TDRP: variants seen among roughly 807,000 people sequenced by gnomAD.
TDRP encodes the protein testis development related protein.
Under a neutral mutation model 10.5 loss-of-function variants are expected in TDRP, and 12 were observed. That is an observed-to-expected ratio of 1.15 (90% CI 0.73 to 1.86). TDRP has a LOEUF of 1.86. TDRP is among the 40% of genes most tolerant of loss of function. TDRP has a pLI of 0.00. For synonymous variants in TDRP, 139 were observed against 95.4 expected (o/e 1.46, Z -2.67); for missense variants, 353 against 229.2 (o/e 1.54, Z -3.49).
intron 1 of TDRP, among the ~76,000 whole-genome samples, chr8:534,215 TTCTC>T (rs1236076357): frequency 1.3e-5 from 2 of 152,246 alleles, no homozygotes; most frequent in Non-Finnish European, 2.9e-5. Context: ...GTTATTTAAC[TTCTC>T]TAAGATCATC....
At chr8:529,135 C>T (rs1802114709) in intron 1 of TDRP, among the ~76,000 whole-genome samples, 2 of 152,198 alleles carry the variant, frequency 1.3e-5, no homozygotes, top group South Asian at 4.2e-4. Context: ...GGTGGGTCTG[C>T]CTTTCCCAGT....
chr8:524,149 T>G (rs1801976727), intron 1 of TDRP, among the ~76,000 whole-genome samples: 1 of 152,206 alleles, frequency 6.6e-6, no homozygotes, highest in African/African-American at 2.4e-5. Context: ...AACAAGAGTT[T>G]CTGCCTGGTA....
At chr8:520,733 G>C (rs1048174857) in intron 1 of TDRP, among the ~76,000 whole-genome samples, 1 of 152,126 alleles carries the variant, frequency 6.6e-6, no homozygotes, top group African/African-American at 2.4e-5. Context: ...TAGGTCATTT[G>C]TGTATCTTCT....
At chr8:504,672 G>A (rs546261322) in intron 1 of TDRP, among the ~76,000 whole-genome samples, 2 of 152,190 alleles carry the variant, frequency 1.3e-5, no homozygotes, top group African/African-American at 2.4e-5. Context: ...GGCAATTCTT[G>A]TAAGAATCAC....
intron 1 of TDRP, among the ~76,000 whole-genome samples, chr8:505,126 C>G (rs186710414): frequency 6.6e-6 from 1 of 152,194 alleles, no homozygotes; most frequent in Non-Finnish European, 1.5e-5. Context: ...TTTGGAATTA[C>G]TTATGTAATC....
rs1800985707 is a variant in TDRP, at chr8:491,862, C to T, written c.*537G>A. On this transcript the variant is annotated 3_prime_UTR_variant, in exon 3 of 3. Transcript: ENST00000324079. ...ATTTTACTCCCAAATATAAGCTTTG[C>T]TTTTCCAGTATTTGTTTACGTATTT... The T allele has an allele frequency of 8.4e-7, 1 of 1,197,512 alleles. No individual in the cohort carries two copies. The highest frequency in any genetic ancestry group is 3.5e-5 in the East Asian group (1 of 28,378). The allele number at this position is 1,197,512 out of a possible 1,614,324, so 74.2% of individuals were successfully genotyped here. A position where few individuals can be genotyped will look rare whatever the true frequency, so the allele number is the denominator to read the frequency against.
rs1802588988 is a variant in TDRP, at chr8:544,682, G to A, written c.76C>T (p.Pro26Ser). 8 of 1,244,684 alleles carry A rather than the reference G, an allele frequency of 6.4e-6. No individual in the cohort carries two copies. Among genetic ancestry groups the A allele is most frequent in the Admixed American group, 4.2e-5 (1 of 23,752 alleles). 77.1% of individuals were successfully genotyped at this position (1,244,684 alleles called of 1,614,324 possible). ...TGGGCGGCGGCGGCGGCGGCCGGTG[G>A]CGGCCCCCCACGCAGGCCGTCCTCC... is the stretch of plus-strand genomic sequence containing the variant. ...EEEDGLRGGP[P>S]PAAAAAAQAQ... Residue 26 changes from proline (P) to serine (S), a missense_variant, in exon 1 of 3, where the codon CCA becomes TCA. Coordinates refer to ENST00000324079, the MANE Select transcript of TDRP (RefSeq NM_001384899.1).
At chr8:497,521 C>G (rs1801169270) in intron 1 of TDRP, among the ~76,000 whole-genome samples, 1 of 152,110 alleles carries the variant, frequency 6.6e-6, no homozygotes, top group Non-Finnish European at 1.5e-5. Context: ...AAGAGATGGT[C>G]TGAAATTGGA....
At chr8:494,919 G>C (rs188362348) in intron 1 of TDRP, 1 of 207,304 alleles carries the variant, frequency 4.8e-6, no homozygotes, top group South Asian at 8.7e-5. Context: ...TCACAAATAA[G>C]AATTAGGTCT....
intron 1 of TDRP, among the ~76,000 whole-genome samples, chr8:509,518 C>T (rs60420833): frequency 0.059 from 9,018 of 152,260 alleles, 884 homozygotes; most frequent in African/African-American, 0.21. Flanking sequence ...ATGGCCTGAG[C>T]TGTACCTTGG....
intron 1 of TDRP, among the ~76,000 whole-genome samples, chr8:529,285 T>C (rs1300872715): frequency 6.6e-6 from 1 of 152,188 alleles, no homozygotes. Context: ...CCTACTATGA[T>C]CCCACGAAAA....
intron 1 of TDRP, among the ~76,000 whole-genome samples, chr8:529,563 G>A (rs534244952): frequency 5.8e-4 from 55 of 94,744 alleles, no homozygotes; most frequent in Admixed American, 2.6e-3. Context: ...TAGTGGTGGT[G>A]AACTTCTTTG....
intron 1 of TDRP, among the ~76,000 whole-genome samples, chr8:505,106 A>G (rs891268021): frequency 2.0e-5 from 3 of 152,234 alleles, no homozygotes; most frequent in African/African-American, 7.2e-5. Context: ...AACAAACATT[A>G]ATTACCACAT....
upstream of TDRP, chr8:544,877 G>C (rs1190586972): frequency 3.0e-6 from 2 of 672,110 alleles, no homozygotes; most frequent in Non-Finnish European, 4.1e-6. Context: ...GGCCGGGCGG[G>C]GCTAGGCGGG....
At chr8:494,197 G>C (rs1428110939) in intron 2 of TDRP, among the ~76,000 whole-genome samples, 1 of 151,578 alleles carries the variant, frequency 6.6e-6, no homozygotes, top group African/African-American at 2.4e-5. Flanking sequence ...TCCTGACCTT[G>C]TGATCTGCCT....
chr8:515,916 G>C (rs182446219), intron 1 of TDRP, among the ~76,000 whole-genome samples: 1 of 151,658 alleles, frequency 6.6e-6, no homozygotes, highest in East Asian at 1.9e-4. Flanking sequence ...GAATATAAAA[G>C]AAATAAAAAA....
chr8:493,993 G>GTTTTTTTTTTTT (rs68057437), intron 2 of TDRP, among the ~76,000 whole-genome samples: 2 of 106,526 alleles, frequency 1.9e-5, no homozygotes, highest in Admixed American at 1.1e-4. Context: ...CATTTCTGTT[G>GTTTTTTTTTTTT]TTTTTTTTTT....
chr8:521,110 G>C (rs377198480), intron 1 of TDRP, among the ~76,000 whole-genome samples: 68 of 152,006 alleles, frequency 4.5e-4, no homozygotes, highest in African/African-American at 1.6e-3. Context: ...AGGTGTTAAA[G>C]ATCCAACTTT....
Position 490,048 on chromosome 8 carries a change from T to G in TDRP, c.*2351A>C, listed in dbSNP as rs1203014891. ...CTATTAAAAAATAAAAAAAGTACAG[T>G]AGAAGGAGCACAGGACAACTCTCTT... On this transcript the variant is annotated 3_prime_UTR_variant, in exon 3 of 3. Transcript: ENST00000324079. 1 of 152,170 alleles carries G rather than the reference T, an allele frequency of 6.6e-6. No homozygotes were observed. The highest frequency in any genetic ancestry group is 6.5e-5 in the Admixed American group (1 of 15,278). 9.4% of individuals were successfully genotyped at this position (152,170 alleles called of 1,614,324 possible). A position where few individuals can be genotyped will look rare whatever the true frequency, so the allele number is the denominator to read the frequency against.
Sources: allele counts gnomAD v4.1 joint callset (sites outside exome capture counted in the v4.1 genomes callset), GRCh38; gene constraint gnomAD v4.1.1; transcripts MANE v1.5; gene names NCBI Gene and HGNC (gene_info 2026-07-23, HGNC 2026-07-21).